Variants in ANO10 observed in about 807,000 individuals in gnomAD.
ANO10 encodes anoctamin-10.
ANO10 carries 77 observed loss-of-function variants against 74.7 expected under a neutral mutation model. That is an observed-to-expected ratio of 1.03 (90% confidence interval 0.86 to 1.25). ANO10 has a LOEUF of 1.25. Ranked by LOEUF, ANO10 falls within the 50% of genes most tolerant of loss-of-function variation. The probability of loss-of-function intolerance (pLI) is 0.00; values close to 1 mark genes in which losing one functional copy is unlikely to be tolerated. For missense variants in ANO10, 721 were observed against 778.1 expected, an observed-to-expected ratio of 0.93 and a Z score of 0.87; for synonymous variants, 279 against 284.9, an observed-to-expected ratio of 0.98 and a Z score of 0.21.
At chr3:43,686,198 C>T (rs1359704452) in intron 1 of ANO10, among the ~76,000 whole-genome samples, 4 of 152,304 alleles carry the variant, frequency 2.6e-5, no homozygotes, top group East Asian at 3.9e-4. Context: ...AATCCTCTCC[C>T]GTCCCTACCC....
intron 11 of ANO10, among the ~76,000 whole-genome samples, chr3:43,525,445 T>A (rs760812704): frequency 2.0e-5 from 3 of 152,188 alleles, no homozygotes; most frequent in Non-Finnish European, 4.4e-5. Context: ...TGCTTTGTGT[T>A]CATGCTAGAT....
Position 43,614,801 on chromosome 3 carries a change from A to ATATATATATATATATATATATATG in ANO10, c.-12+7107_-12+7108insCATATATATATATATATATATATA, listed in dbSNP as rs61457264. ...TATATATATATATATATATATATAT[A>ATATATATATATATATATATATATG]TAGGTTCATTACAGTTTTTTATGGA... On this transcript the variant is annotated intron_variant, in intron 1 of 12. Coordinates refer to ENST00000292246, the MANE Select transcript of ANO10 (RefSeq NM_018075.5). 5.0e-3 allele frequency among the ~76,000 whole-genome samples: 494 copies of ATATATATATATATATATATATATG among 99,316 alleles called. 77 individuals are homozygous for ATATATATATATATATATATATATG. The highest frequency in any genetic ancestry group is 7.0e-3 in the Non-Finnish European group (330 of 47,020). 65.2% of individuals were successfully genotyped at this position (99,316 alleles called of 152,430 possible).
chr3:43,379,675 T>C (rs1343675783), intron 12 of ANO10, among the ~76,000 whole-genome samples: 1 of 152,128 alleles, frequency 6.6e-6, no homozygotes, highest in South Asian at 2.1e-4. Flanking sequence ...GGAGGGAGAC[T>C]GGCCTTTTGG....
rs569235257 is a variant in ANO10, at chr3:43,647,613, A to C, written c.-11-41750T>G. Among the ~76,000 whole-genome samples the C allele has an allele frequency of 2.0e-5, 3 of 152,196 alleles. No individual in the cohort carries two copies. In the South Asian group the frequency reaches 6.2e-4, roughly 31 times the overall value. The stretch of plus-strand genomic sequence containing the variant: ...ATAATGTTTAACCAGCTTTCTGGAT[A>C]TCCTTTAACCCAGTGAAGTTAAGAC... On this transcript the variant is annotated intron_variant, in intron 1 of 3. Transcript: ENST00000413397.
chr3:43,422,664 T>C (rs914920433), intron 12 of ANO10, among the ~76,000 whole-genome samples: 2 of 152,184 alleles, frequency 1.3e-5, no homozygotes, highest in Non-Finnish European at 2.9e-5. Flanking sequence ...AAATGGTAAA[T>C]TTTATTCCAT....
intron 11 of ANO10, among the ~76,000 whole-genome samples, chr3:43,457,380 G>A (rs1284068701): frequency 2.0e-5 from 3 of 152,210 alleles, no homozygotes; most frequent in Non-Finnish European, 4.4e-5. Context: ...CATGGCTGGG[G>A]AGGCCTCAGG....
chr3:43,469,309 C>A (rs907209965), intron 11 of ANO10, among the ~76,000 whole-genome samples: 5 of 151,294 alleles, frequency 3.3e-5, no homozygotes, highest in African/African-American at 1.2e-4. Flanking sequence ...GCCTCCCAAA[C>A]TGCTGGGATT....
intron 11 of ANO10, among the ~76,000 whole-genome samples, chr3:43,440,940 C>T (rs2093149529): frequency 6.6e-6 from 1 of 151,904 alleles, no homozygotes; most frequent in Non-Finnish European, 1.5e-5. Context: ...CATTCTTGAA[C>T]AACCAATGAG....
intron 11 of ANO10, among the ~76,000 whole-genome samples, chr3:43,528,525 C>T (rs1167428894): frequency 6.6e-6 from 1 of 151,578 alleles, no homozygotes; most frequent in African/African-American, 2.4e-5. Context: ...AAGAAGAGAA[C>T]AAAATCATCT....
chr3:43,581,846 A>G (rs2081275291), intron 4 of ANO10, among the ~76,000 whole-genome samples: 1 of 151,340 alleles, frequency 6.6e-6, no homozygotes, highest in Non-Finnish European at 1.5e-5. Context: ...GGATGGCTGG[A>G]GTCCAGGAGT....
At chr3:43,368,018 T>C (rs2091471613) in intron 12 of ANO10, among the ~76,000 whole-genome samples, 2 of 152,138 alleles carry the variant, frequency 1.3e-5, no homozygotes, top group African/African-American at 4.8e-5. Context: ...AAAGTCCTTG[T>C]CTGCTGCTTT....
At chr3:43,479,258 C>T (rs1011572981) in intron 11 of ANO10, among the ~76,000 whole-genome samples, 20 of 152,222 alleles carry the variant, frequency 1.3e-4, no homozygotes, top group Non-Finnish European at 2.9e-5. Flanking sequence ...TAAAAACACA[C>T]AGTCCCTGTT....
At chr3:43,478,955 G>A (rs1451828969) in intron 11 of ANO10, among the ~76,000 whole-genome samples, 1 of 152,110 alleles carries the variant, frequency 6.6e-6, no homozygotes, top group Non-Finnish European at 1.5e-5. Flanking sequence ...ACAAGTTAGG[G>A]CACTTTAGAA....
rs2079679601 is a variant in ANO10 at position 43,555,206 on chromosome 3, A to C, written c.1668+72T>G. 2.0e-6 allele frequency: 3 copies of C among 1,503,274 alleles called. No homozygotes were observed. The East Asian group carries it at 6.9e-5, about 35-fold the overall frequency. 93.1% of individuals were successfully genotyped at this position (1,503,274 alleles called of 1,614,324 possible). ...AATCTCTCTGTAGGGCTTACTTTTTAATTTTTTTTCCCTGTCATAACACCT... is the reference window on the plus strand; with the variant it reads ...AATCTCTCTGTAGGGCTTACTTTTTCATTTTTTTTCCCTGTCATAACACCT... On this transcript the variant is annotated intron_variant, in intron 10 of 12. Transcript: ENST00000292246.
At chr3:43,595,677 A>G (rs912247712) in intron 4 of ANO10, among the ~76,000 whole-genome samples, 3 of 152,202 alleles carry the variant, frequency 2.0e-5, no homozygotes, top group Non-Finnish European at 4.4e-5. Context: ...CAAAAACTGT[A>G]AGTATTCCCT....
At chr3:43,525,280 A>C (rs1232348559) in intron 11 of ANO10, among the ~76,000 whole-genome samples, 2 of 152,134 alleles carry the variant, frequency 1.3e-5, no homozygotes, top group African/African-American at 4.8e-5. Flanking sequence ...CTCTCTGCCC[A>C]AAGCATTCCC....
intron 12 of ANO10, among the ~76,000 whole-genome samples, chr3:43,384,120 C>T (rs1316930969): frequency 6.6e-6 from 1 of 151,818 alleles, no homozygotes; most frequent in Admixed American, 6.6e-5. Flanking sequence ...TGCTATATAC[C>T]AACAGCGACC....
intron 11 of ANO10, among the ~76,000 whole-genome samples, chr3:43,535,176 G>A (rs1325627423): frequency 6.6e-6 from 1 of 150,918 alleles, no homozygotes; most frequent in Non-Finnish European, 1.5e-5. Context: ...TTTTTGCCAT[G>A]TTGGCCAGGC....
rs562900753 is a variant in ANO10, at chr3:43,543,724, G to A, written c.1797+5996C>T. Among the ~76,000 whole-genome samples, 5 of 152,274 alleles carry A rather than the reference G, an allele frequency of 3.3e-5. No homozygotes were observed. In the East Asian group the frequency reaches 9.6e-4, roughly 29 times the overall value. Reference sequence around the variant, plus strand: ...CTAAGCAGCTGCTGGCAGATGGAGAGGGGGTGCCACATGAAAACTTATTTT... The same window carrying A: ...CTAAGCAGCTGCTGGCAGATGGAGAAGGGGTGCCACATGAAAACTTATTTT... On this transcript the variant is annotated intron_variant, in intron 11 of 12. Transcript: ENST00000292246.
Sources: gnomAD v4.1 joint callset for allele counts (sites outside exome capture counted in the v4.1 genomes callset) on GRCh38, gnomAD v4.1.1 for gene constraint, MANE v1.5 for transcripts, NCBI Gene and HGNC (gene_info 2026-07-23, HGNC 2026-07-21) for gene names.